Variants in MFAP1 observed in about 807,000 individuals in gnomAD.
The protein encoded by MFAP1 is microfibril associated protein 1.
Under a neutral mutation model 62.2 loss-of-function variants are expected in MFAP1, and 18 were observed. The observed-to-expected ratio is 0.29, with a 90% CI of 0.20 to 0.43. The LOEUF (loss-of-function observed/expected upper bound fraction) is 0.43, where lower values mean the gene tolerates loss of function less well. Ranked by LOEUF, MFAP1 falls within the 20% of genes least tolerant of loss-of-function variation. The pLI is 1.00. For synonymous variants in MFAP1, 175 were observed against 180.4 expected (o/e 0.97, Z 0.24); for missense variants, 355 against 559.7 (o/e 0.63, Z 3.69).
Position 43,820,754 on chromosome 15 carries a change from C to G in MFAP1, c.80-3306G>C, listed in dbSNP as rs557530803. Among the ~76,000 whole-genome samples the G allele has an allele frequency of 3.4e-4, 52 of 151,954 alleles. No individual in the cohort carries two copies. The South Asian group carries it at 0.011, about 31-fold the overall frequency. On this transcript the variant is annotated intron_variant, in intron 1 of 8. Transcript: ENST00000267812. Reference sequence around the variant, plus strand: ...CCAAGTAGCTGGGACTACAGGCGTGCAACACCATGCCGGTCTAATTTTTAA... The same window carrying G: ...CCAAGTAGCTGGGACTACAGGCGTGGAACACCATGCCGGTCTAATTTTTAA...
intron 7 of MFAP1, among the ~76,000 whole-genome samples, chr15:43,807,137 G>A (rs1285859368): frequency 1.3e-5 from 2 of 151,744 alleles, no homozygotes; most frequent in Admixed American, 1.3e-4. Context: ...CATCGCCTAA[G>A]GTCAGGAGTT....
intron 3 of MFAP1, 57 bp downstream of exon 3, chr15:43,814,888 C>A: frequency 1.2e-6 from 2 of 1,601,888 alleles, no homozygotes; most frequent in East Asian, 2.2e-5. Flanking sequence ...CAAATGAGCA[C>A]TGGCATGAAC....
Position 43,805,025 on chromosome 15 carries a change from A to C in MFAP1, c.*69T>G, listed in dbSNP as rs2141703136. Reference sequence around the variant, plus strand: ...ACAGGGGCCAAGGAAACAATGAAAAAACCAAATCAAGGACCAGATGCTGAG... The same window carrying C: ...ACAGGGGCCAAGGAAACAATGAAAACACCAAATCAAGGACCAGATGCTGAG... On this transcript the variant is annotated 3_prime_UTR_variant, in exon 9 of 9. Coordinates refer to ENST00000267812, the MANE Select transcript of MFAP1 (RefSeq NM_005926.3). 6.7e-7 allele frequency: 1 copy of C among 1,482,748 alleles called. No individual in the cohort carries two copies. Among genetic ancestry groups the C allele is most frequent in the African/African-American group, 1.4e-5 (1 of 71,278 alleles). The allele number at this position is 1,482,748 out of a possible 1,614,324, so 91.8% of individuals were successfully genotyped here.
chr15:43,818,850 G>C (rs947963342), intron 1 of MFAP1, among the ~76,000 whole-genome samples: 1 of 152,118 alleles, frequency 6.6e-6, no homozygotes, highest in African/African-American at 2.4e-5. Flanking sequence ...ACCACACCAA[G>C]GCACTCACTT....
At chr15:43,817,698 A>G (rs2087442526) in intron 1 of MFAP1, among the ~76,000 whole-genome samples, 1 of 152,214 alleles carries the variant, frequency 6.6e-6, no homozygotes, top group Non-Finnish European at 1.5e-5. Context: ...GAAGTAGAGG[A>G]AGGTAGGCAG....
chr15:43,821,168 T>G (rs2087464703), intron 1 of MFAP1, among the ~76,000 whole-genome samples: 1 of 152,130 alleles, frequency 6.6e-6, no homozygotes, highest in South Asian at 2.1e-4. Flanking sequence ...ACAAGTAATC[T>G]ATAAGATACT....
intron 7 of MFAP1, among the ~76,000 whole-genome samples, chr15:43,805,884 T>C (rs916532989): frequency 3.3e-5 from 5 of 152,160 alleles, no homozygotes; most frequent in Admixed American, 6.6e-5. Flanking sequence ...AGTGCTGGGA[T>C]TACAGGTGTG....
At position 43,815,004 on chromosome 15, in the gene MFAP1, C is replaced by A. The variant is rs116682844; in HGVS notation, c.370G>T (p.Ala124Ser). ...GESDSEVEGDAWRMEREDSSE... is the reference protein window; with the variant it reads ...GESDSEVEGDSWRMEREDSSE... Reference sequence around the variant, plus strand: ...CTGTCTTCTCGTTCCATGCGCCAAGCATCTCCTTCTACTTCTGAGTCACTC... The same window carrying A: ...CTGTCTTCTCGTTCCATGCGCCAAGAATCTCCTTCTACTTCTGAGTCACTC... The change falls in exon 3 of 9, where the codon GCT becomes TCT. Residue 124 changes from alanine (A) to serine (S), a missense_variant. Ala to Ser is a moderately conservative substitution (Grantham distance 99). Transcript: ENST00000267812. 4.7e-4 allele frequency: 752 copies of A among 1,614,164 alleles called. 5 individuals carry two copies. The East Asian group carries it at 0.016, about 34-fold the overall frequency.
Position 43,813,359 on chromosome 15 carries a change from T to G in MFAP1, c.618-2A>C. 3 of 1,603,962 alleles carry G rather than the reference T, an allele frequency of 1.9e-6. No homozygotes were observed. The highest frequency in any genetic ancestry group is 2.5e-6 in the Non-Finnish European group (3 of 1,177,484). The stretch of plus-strand genomic sequence containing the variant: ...TCTTGAACTGTCACTCGGTCCTTCC[T>G]GCATCACAGAGATCCTGTTAATTGC... On this transcript the variant is annotated splice_acceptor_variant, in intron 4 of 8. Transcript: ENST00000267812. LOFTEE classifies it high-confidence loss of function.
At chr15:43,808,202 CTT>C (rs1442555003) in intron 7 of MFAP1, among the ~76,000 whole-genome samples, 1 of 152,150 alleles carries the variant, frequency 6.6e-6, no homozygotes, top group Non-Finnish European at 1.5e-5. Context: ...TTAAGAAAGA[CTT>C]TTTAAAAACA....
chr15:43,807,785 T>C (rs1430907528), intron 7 of MFAP1, among the ~76,000 whole-genome samples: 1 of 152,248 alleles, frequency 6.6e-6, no homozygotes, highest in Non-Finnish European at 1.5e-5. Flanking sequence ...TTATGTATTC[T>C]CGCTAACAGT....
chr15:43,821,810 T>C (rs1030868242), intron 1 of MFAP1, among the ~76,000 whole-genome samples: 3 of 152,108 alleles, frequency 2.0e-5, no homozygotes, highest in Non-Finnish European at 4.4e-5. Context: ...ACTCAGAAGA[T>C]AGAAAACCTT....
chr15:43,815,165 T>G, intron 2 of MFAP1, 91 bp from the exon 3 acceptor site: 1 of 1,534,434 alleles, frequency 6.5e-7, no homozygotes, highest in Non-Finnish European at 8.8e-7. Flanking sequence ...ACATTATGTT[T>G]GCCTTCATTA....
intron 7 of MFAP1, among the ~76,000 whole-genome samples, chr15:43,805,790 T>A (rs940805005): frequency 5.3e-5 from 8 of 151,948 alleles, no homozygotes; most frequent in Non-Finnish European, 1.2e-4. Flanking sequence ...TTTTTTGTAT[T>A]TTTAATAGAG....
chr15:43,821,992 C>T (rs774033370), intron 1 of MFAP1, among the ~76,000 whole-genome samples: 8 of 151,426 alleles, frequency 5.3e-5, no homozygotes, highest in Admixed American at 1.3e-4. Flanking sequence ...AATGGGGAAA[C>T]GTATACTATA....
chr15:43,807,614 C>T (rs1183336256), intron 7 of MFAP1, among the ~76,000 whole-genome samples: 1 of 151,824 alleles, frequency 6.6e-6, no homozygotes, highest in East Asian at 2.0e-4. Flanking sequence ...TCCCAAAGTG[C>T]TGGGATTACA....
chr15:43,809,633 T>G, intron 7 of MFAP1, 122 bp downstream of exon 7: 5 of 1,215,342 alleles, frequency 4.1e-6, no homozygotes, highest in Non-Finnish European at 5.8e-6. Flanking sequence ...AAAAAGCAAA[T>G]GAGAAAGCTG....
At chr15:43,806,173 A>C (rs1376642327) in intron 7 of MFAP1, among the ~76,000 whole-genome samples, 1 of 151,994 alleles carries the variant, frequency 6.6e-6, no homozygotes, top group African/African-American at 2.4e-5. Flanking sequence ...CTCTGCACTC[A>C]ATGTGTTTGT....
Position 43,809,736 on chromosome 15 carries a change from C to G in MFAP1, c.1047+19G>C. On this transcript the variant is annotated intron_variant, in intron 7 of 8. Transcript: ENST00000267812. ...TTATTCCTACTGCCCAATTTTCTGACTCTCTTTTCACTTCTTACCATGAAG... is the reference window on the plus strand; with the variant it reads ...TTATTCCTACTGCCCAATTTTCTGAGTCTCTTTTCACTTCTTACCATGAAG... The G allele has an allele frequency of 6.2e-7, 1 of 1,606,312 alleles. No individual in the cohort carries two copies. The highest frequency in any genetic ancestry group is 8.5e-7 in the Non-Finnish European group (1 of 1,174,508).
Sources: gnomAD v4.1 joint callset for allele counts (sites outside exome capture counted in the v4.1 genomes callset) on GRCh38, gnomAD v4.1.1 for gene constraint, MANE v1.5 for transcripts, NCBI Gene and HGNC (gene_info 2026-07-23, HGNC 2026-07-21) for gene names.